The following GBF1 variants were observed in gnomAD, a reference collection of about 807,000 sequenced individuals.
The protein encoded by GBF1 is Golgi-specific brefeldin A-resistance guanine nucleotide exchange factor 1.
Under a neutral mutation model 210.5 loss-of-function variants are expected in GBF1, and 114 were observed. The observed-to-expected ratio is 0.54, with a 90% CI of 0.47 to 0.63. GBF1 has a LOEUF of 0.63. Among genes scored for constraint, GBF1 ranks in the 30% least tolerant of loss-of-function variants. The pLI, the probability that GBF1 is intolerant of heterozygous loss-of-function variation, is 0.00. For missense variants in GBF1, 1,851 were observed against 2,357.7 expected (o/e 0.79, Z 4.45); for synonymous variants, 850 against 889.2 (o/e 0.96, Z 0.78).
the GBF1 span, among the ~76,000 whole-genome samples, chr10:102,239,244 G>T: frequency 6.6e-6 from 1 of 152,198 alleles, no homozygotes; most frequent in South Asian, 2.1e-4. Context: ...CAGTTACAAG[G>T]CTTTATGCAA....
the GBF1 span, among the ~76,000 whole-genome samples, chr10:102,235,158 A>G: frequency 4.7e-5 from 6 of 127,322 alleles, no homozygotes; most frequent in African/African-American, 1.6e-4. Flanking sequence ...GCTAGCCATT[A>G]TTACCCTTCC....
chr10:102,281,293 G>C (rs1589469632), intron 3 of GBF1, among the ~76,000 whole-genome samples: 1 of 152,148 alleles, frequency 6.6e-6, no homozygotes, highest in Non-Finnish European at 1.5e-5. Context: ...CAGCTGGCAG[G>C]AAACAGCTGG....
At chr10:102,257,082 A>G (rs950049335) in intron 1 of GBF1, among the ~76,000 whole-genome samples, 1 of 152,240 alleles carries the variant, frequency 6.6e-6, no homozygotes, top group South Asian at 2.1e-4. Flanking sequence ...AGGCTCAAGT[A>G]TCCTCTGATT....
At chr10:102,294,052 A>G (rs1256871389) in intron 3 of GBF1, among the ~76,000 whole-genome samples, 1 of 151,944 alleles carries the variant, frequency 6.6e-6, no homozygotes, top group Non-Finnish European at 1.5e-5. Flanking sequence ...TGCTGGAATT[A>G]CAGGCATGAG....
At chr10:102,377,173 C>T in intron 33 of GBF1, 33 bp downstream of exon 33, 1 of 1,554,320 alleles carries the variant, frequency 6.4e-7, no homozygotes, top group South Asian at 1.1e-5. Flanking sequence ...CCTCTCCTCC[C>T]CTGCACCTGA....
At chr10:102,282,750 C>G (rs902190081) in intron 3 of GBF1, among the ~76,000 whole-genome samples, 28 of 152,234 alleles carry the variant, frequency 1.8e-4, no homozygotes, top group African/African-American at 6.0e-4. Flanking sequence ...ACCCAACTAG[C>G]CTATTTCCAG....
the GBF1 span, chr10:102,232,231 T>G: frequency 1.6e-6 from 1 of 633,158 alleles, no homozygotes; most frequent in South Asian, 1.8e-5. Context: ...TGGGGCTCCT[T>G]AGGATAGAAT....
At chr10:102,353,560 A>G in intron 7 of GBF1, 40 bp from the exon 8 acceptor site, 1 of 1,393,248 alleles carries the variant, frequency 7.2e-7, no homozygotes, top group Non-Finnish European at 1.0e-6. Context: ...GACATTTGTC[A>G]TTATCCCTAA....
intron 3 of GBF1, among the ~76,000 whole-genome samples, chr10:102,337,847 ACT>A (rs1411369939): frequency 6.6e-6 from 1 of 152,044 alleles, no homozygotes; most frequent in Non-Finnish European, 1.5e-5. Flanking sequence ...ACAGAGCAAG[ACT>A]CTGTCTCAAA....
Position 102,381,135 on chromosome 10 carries a change from C to T in GBF1, c.5182C>T (p.Pro1728Ser). Residue 1728 changes from proline (P) to serine (S), a missense_variant, in exon 39 of 40, where the codon CCC becomes TCC. Coordinates refer to ENST00000369983, the MANE Select transcript of GBF1 (RefSeq NM_001377137.1). ...FKQTVIQDPM[P>S]MEPQGQKPLA... The stretch of plus-strand genomic sequence containing the variant: ...TTCTCTACCGTCTCCAGACCCCATG[C>T]CCATGGAGCCTCAAGGCCAAAAGCC... 1 of 1,613,838 alleles carries T rather than the reference C, an allele frequency of 6.2e-7. No homozygotes were observed. Among genetic ancestry groups the T allele is most frequent in the Non-Finnish European group, 8.5e-7 (1 of 1,179,822 alleles).
chr10:102,240,091 G>C, the GBF1 span, among the ~76,000 whole-genome samples: 4 of 152,208 alleles, frequency 2.6e-5, no homozygotes, highest in Non-Finnish European at 5.9e-5. Context: ...CTTCTGGCCT[G>C]GGCTCCTGCC....
At chr10:102,239,900 T>A in the GBF1 span, among the ~76,000 whole-genome samples, 53 of 152,292 alleles carry the variant, frequency 3.5e-4, no homozygotes, top group Admixed American at 1.1e-3. Flanking sequence ...GGCCAAGATA[T>A]CCTTCCCAAC....
chr10:102,318,334 G>A (rs553862061), intron 3 of GBF1, among the ~76,000 whole-genome samples: 5 of 151,976 alleles, frequency 3.3e-5, no homozygotes, highest in South Asian at 2.1e-4. Context: ...CTACAGGTGC[G>A]CATCATCACA....
At chr10:102,352,753 A>T (rs1227512925) in intron 7 of GBF1, among the ~76,000 whole-genome samples, 6 of 152,194 alleles carry the variant, frequency 3.9e-5, no homozygotes, top group African/African-American at 1.4e-4. Context: ...AGCAGACCTC[A>T]TTCTGCTTCC....
chr10:102,270,833 A>G (rs2074332986), intron 3 of GBF1, among the ~76,000 whole-genome samples: 1 of 152,070 alleles, frequency 6.6e-6, no homozygotes, highest in Non-Finnish European at 1.5e-5. Context: ...TTCTCATTTC[A>G]TTAGGTAGTT....
intron 3 of GBF1, among the ~76,000 whole-genome samples, chr10:102,281,242 G>A (rs566481312): frequency 6.6e-6 from 1 of 152,050 alleles, no homozygotes; most frequent in South Asian, 2.1e-4. Flanking sequence ...AAATAATTAC[G>A]TAAAGAAAAT....
At chr10:102,314,934 C>G (rs1347098438) in intron 3 of GBF1, among the ~76,000 whole-genome samples, 2 of 152,198 alleles carry the variant, frequency 1.3e-5, no homozygotes, top group Non-Finnish European at 2.9e-5. Flanking sequence ...CCTCCAAATA[C>G]AGCCACCTCA....
At chr10:102,305,005 GAAAGA>G (rs2077719546) in intron 3 of GBF1, among the ~76,000 whole-genome samples, 1 of 151,008 alleles carries the variant, frequency 6.6e-6, no homozygotes, top group South Asian at 2.1e-4. Context: ...AAGAAAGAAA[GAAAGA>G]AAGAAAGAAA....
chr10:102,272,112 A>G (rs1565041224), intron 3 of GBF1, among the ~76,000 whole-genome samples: 1 of 147,046 alleles, frequency 6.8e-6, no homozygotes, highest in East Asian at 2.0e-4. Context: ...GCAATTGTTG[A>G]TTTTTTTTTT....
Sources: allele counts gnomAD v4.1 joint callset (sites outside exome capture counted in the v4.1 genomes callset), GRCh38; gene constraint gnomAD v4.1.1; transcripts MANE v1.5; gene names NCBI Gene and HGNC (gene_info 2026-07-23, HGNC 2026-07-21).